KDM4C: variants seen among roughly 807,000 people sequenced by gnomAD.
The protein encoded by KDM4C is lysine demethylase 4C, also known as lysine-specific demethylase 4C.
KDM4C carries 81 observed loss-of-function variants against 129.3 expected under a neutral mutation model. That is an observed-to-expected ratio of 0.63 (90% CI 0.52 to 0.75). The LOEUF (loss-of-function observed/expected upper bound fraction) is 0.75, where lower values mean the gene tolerates loss of function less well. KDM4C is among the 30% of genes least tolerant of loss of function. The pLI is 0.00. For missense variants in KDM4C, 1,457 were observed against 1,304.0 expected (o/e 1.12, Z -1.81); for synonymous variants, 573 against 456.1 (o/e 1.26, Z -3.26).
chr9:6,926,169 G>T (rs749310693), intron 8 of KDM4C, among the ~76,000 whole-genome samples: 1 of 151,926 alleles, frequency 6.6e-6, no homozygotes, highest in East Asian at 1.9e-4. Context: ...CCAGTTTGGC[G>T]TCAAGGGGCT....
At chr9:7,038,781 C>T (rs955854474) in intron 15 of KDM4C, among the ~76,000 whole-genome samples, 11 of 151,852 alleles carry the variant, frequency 7.2e-5, no homozygotes, top group African/African-American at 2.7e-4. Flanking sequence ...CTTACATGAC[C>T]CCCAAACTAG....
intron 2 of KDM4C, 135 bp from the exon 3 acceptor site, chr9:6,805,464 C>CTT (rs373482627): frequency 9.1e-4 from 416 of 458,356 alleles, no homozygotes; most frequent in South Asian, 1.9e-3. Flanking sequence ...AAATATTCAT[C>CTT]TTTTTTTTTT....
rs1845359771 is a variant in KDM4C at position 7,175,526 on chromosome 9, A to G, written c.*797A>G. The G allele has an allele frequency of 6.6e-6, 1 of 152,626 alleles. No homozygotes were observed. The highest frequency in any genetic ancestry group is 6.5e-5 in the Admixed American group (1 of 15,284). The allele number at this position is 152,626 out of a possible 1,614,324, so 9.5% of individuals were successfully genotyped here. Reference sequence around the variant, plus strand: ...ATGTTTCTTTCATTATGTGTTTGTAAAATTAGAGTTTAAATAAATATGCTT... The same window carrying G: ...ATGTTTCTTTCATTATGTGTTTGTAGAATTAGAGTTTAAATAAATATGCTT... On this transcript the variant is annotated 3_prime_UTR_variant, in exon 22 of 22. Coordinates refer to ENST00000381309, the MANE Select transcript of KDM4C (RefSeq NM_015061.6).
At chr9:6,757,753 C>G (rs921274457), upstream of KDM4C, 1 of 985,548 alleles carries the variant, frequency 1.0e-6, no homozygotes, top group African/African-American at 1.7e-5. Context: ...CACCTGTTTT[C>G]TCCTTCTACG....
At chr9:7,009,176 T>C (rs1822228255) in intron 12 of KDM4C, among the ~76,000 whole-genome samples, 1 of 152,184 alleles carries the variant, frequency 6.6e-6, no homozygotes, top group Non-Finnish European at 1.5e-5. Flanking sequence ...AAGTTGAGAA[T>C]TTCAACAAAG....
intron 1 of KDM4C, among the ~76,000 whole-genome samples, chr9:6,778,815 CTT>C (rs34355554): frequency 0.52 from 73,196 of 141,178 alleles, 19,001 homozygotes; most frequent in African/African-American, 0.62. Flanking sequence ...GATTTGGTGC[CTT>C]TTTTTTTTTT....
chr9:7,139,137 T>C lies in KDM4C; in HGVS notation c.2781+10901T>C, dbSNP rs140181638. Among the ~76,000 whole-genome samples, 529 of 152,210 alleles carry C rather than the reference T, an allele frequency of 3.5e-3. 6 individuals carry two copies. The highest frequency in any genetic ancestry group is 0.012 in the African/African-American group (494 of 41,540). The stretch of plus-strand genomic sequence containing the variant: ...AAAATTTCAAAAAATTAGCCAGGCA[T>C]GGTGGTATGCATCTTTAGTCCCAGG... On this transcript the variant is annotated intron_variant, in intron 19 of 21. Transcript: ENST00000381309.
At chr9:6,802,044 C>A (rs1321880067) in intron 2 of KDM4C, among the ~76,000 whole-genome samples, 1 of 151,434 alleles carries the variant, frequency 6.6e-6, no homozygotes, top group Non-Finnish European at 1.5e-5. Flanking sequence ...GGTGGAGGTT[C>A]CAGTGAGCTG....
chr9:7,128,261 G>T (rs1206073451), intron 19 of KDM4C, 25 bp downstream of exon 19: 10 of 1,500,222 alleles, frequency 6.7e-6, no homozygotes, highest in Non-Finnish European at 8.9e-6. Flanking sequence ...TTGAGTGCCT[G>T]CTACCCAGAG....
At chr9:6,883,045 G>T (rs979991709) in intron 6 of KDM4C, among the ~76,000 whole-genome samples, 1 of 152,132 alleles carries the variant, frequency 6.6e-6, no homozygotes, top group Admixed American at 6.5e-5. Context: ...AGATCGTTTG[G>T]TCCGAAAAGG....
intron 4 of KDM4C, among the ~76,000 whole-genome samples, chr9:6,821,690 G>T (rs1833052749): frequency 6.6e-6 from 1 of 151,728 alleles, no homozygotes; most frequent in Non-Finnish European, 1.5e-5. Context: ...CTGTCATACA[G>T]GGTGGAGTGC....
At chr9:7,004,143 G>T (rs1053265748) in intron 12 of KDM4C, among the ~76,000 whole-genome samples, 1 of 152,206 alleles carries the variant, frequency 6.6e-6, no homozygotes, top group African/African-American at 2.4e-5. Flanking sequence ...TTTCTCATCT[G>T]CTGAGTTCCA....
chr9:7,152,793 C>A (rs1449678730), intron 19 of KDM4C, among the ~76,000 whole-genome samples: 2 of 152,200 alleles, frequency 1.3e-5, no homozygotes, highest in African/African-American at 4.8e-5. Context: ...CAGTTCCAAG[C>A]TCTTGACAAA....
chr9:7,158,306 C>T (rs13440014), intron 19 of KDM4C, among the ~76,000 whole-genome samples: 2,580 of 143,260 alleles, frequency 0.018, 69 homozygotes, highest in African/African-American at 0.065. Context: ...AAAACCAGCT[C>T]CTGGATTCAT....
intron 17 of KDM4C, among the ~76,000 whole-genome samples, chr9:7,055,953 A>G (rs1451930509): frequency 6.6e-6 from 1 of 152,230 alleles, no homozygotes; most frequent in African/African-American, 2.4e-5. Context: ...ATTATCTTTC[A>G]TCATGCTAAA....
chr9:6,835,147 A>C, intron 4 of KDM4C: 1 of 977,016 alleles, frequency 1.0e-6, no homozygotes, highest in Non-Finnish European at 1.7e-6. Context: ...GGCGGCTTCC[A>C]GCTCCTCCCT....
rs145431117 is a variant in KDM4C at position 7,092,616 on chromosome 9, C to G, written c.2425-11069C>G. Among the ~76,000 whole-genome samples, 135 of 152,282 alleles carry G rather than the reference C, an allele frequency of 8.9e-4. 1 individual carries two copies. In the East Asian group the frequency reaches 0.021, roughly 23 times the overall value. On this transcript the variant is annotated intron_variant, in intron 17 of 21. Coordinates refer to ENST00000381309, the MANE Select transcript of KDM4C (RefSeq NM_015061.6). ...CACTTTGTCTTTTACTGCCGTGAAGCTTGCTGGGCACTTCTTCTGTGGGCT... is the reference window on the plus strand; with the variant it reads ...CACTTTGTCTTTTACTGCCGTGAAGGTTGCTGGGCACTTCTTCTGTGGGCT...
chr9:6,915,735 G>A (rs1457506212), intron 8 of KDM4C, among the ~76,000 whole-genome samples: 1 of 152,146 alleles, frequency 6.6e-6, no homozygotes, highest in Non-Finnish European at 1.5e-5. Flanking sequence ...GCTATGCCCT[G>A]TATCCAAGGT....
At chr9:7,033,860 G>A (rs1766069191) in intron 15 of KDM4C, among the ~76,000 whole-genome samples, 1 of 152,152 alleles carries the variant, frequency 6.6e-6, no homozygotes, top group African/African-American at 2.4e-5. Flanking sequence ...ACACCAGGCT[G>A]TGCTTGCCTG....
Sources: allele counts gnomAD v4.1 joint callset (sites outside exome capture counted in the v4.1 genomes callset), GRCh38; gene constraint gnomAD v4.1.1; transcripts MANE v1.5; gene names NCBI Gene and HGNC (gene_info 2026-07-23, HGNC 2026-07-21).